NR1H4: variants seen among roughly 807,000 people sequenced by gnomAD.
NR1H4 encodes the protein bile acid receptor.
In NR1H4, 23 loss-of-function variants were observed where a neutral mutation model predicts 58.5. The observed-to-expected ratio is 0.39, with a 90% CI of 0.28 to 0.56. The LOEUF is 0.56. NR1H4 is among the 20% of genes least tolerant of loss of function. The probability of loss-of-function intolerance (pLI) is 0.58; values close to 1 mark genes in which losing one functional copy is unlikely to be tolerated. For missense variants in NR1H4, 487 were observed against 576.9 expected (o/e 0.84, Z 1.60); for synonymous variants, 214 against 198.0 (o/e 1.08, Z -0.68).
At chr12:100,485,723 G>C (rs1456052302) in intron 1 of NR1H4, among the ~76,000 whole-genome samples, 4 of 151,896 alleles carry the variant, frequency 2.6e-5, no homozygotes, top group Non-Finnish European at 2.9e-5. Context: ...TAGTAGAGAA[G>C]GGATTTCACC....
chr12:100,550,695 A>G (rs1038519370), intron 9 of NR1H4, among the ~76,000 whole-genome samples: 7 of 151,110 alleles, frequency 4.6e-5, no homozygotes, highest in Non-Finnish European at 1.0e-4. Flanking sequence ...TAAGGAAATT[A>G]GCAATAACCT....
At chr12:100,531,622 T>C (rs550423651) in intron 4 of NR1H4, among the ~76,000 whole-genome samples, 1 of 152,298 alleles carries the variant, frequency 6.6e-6, no homozygotes, top group African/African-American at 2.4e-5. Context: ...CTCTTACCTC[T>C]CACAATCCTC....
Position 100,564,313 on chromosome 12 carries a change from C to T in NR1H4, c.*824C>T, listed in dbSNP as rs1955531715. The T allele has an allele frequency of 6.6e-6, 1 of 152,190 alleles. No homozygotes were observed. The allele number at this position is 152,190 out of a possible 1,614,324, so 9.4% of individuals were successfully genotyped here. ...GGAGCACAGCTGCTGTATACTTCCC[C>T]CAAAGCAGGAATTAGTTCATTTCCT... On this transcript the variant is annotated 3_prime_UTR_variant, in exon 11 of 11. Coordinates refer to ENST00000392986, the MANE Select transcript of NR1H4 (RefSeq NM_001206979.2).
chr12:100,546,761 C>T (rs1348087301), intron 9 of NR1H4, among the ~76,000 whole-genome samples: 1 of 152,088 alleles, frequency 6.6e-6, no homozygotes, highest in Non-Finnish European at 1.5e-5. Context: ...ATCCACTAAC[C>T]CTCCAGCCAT....
chr12:100,545,641 CAAAA>C (rs35404680), intron 9 of NR1H4, among the ~76,000 whole-genome samples: 4 of 7,878 alleles, frequency 5.1e-4, no homozygotes, highest in African/African-American at 2.1e-3. Flanking sequence ...GACCTTGTCT[CAAAA>C]AAAAAAAAAA....
rs1953217194 is a variant in NR1H4, at chr12:100,474,054, A to G, written c.-195A>G. On this transcript the variant is annotated 5_prime_UTR_variant, in exon 1 of 11. Coordinates refer to ENST00000392986, the MANE Select transcript of NR1H4 (RefSeq NM_001206979.2). ...GAAAGTCCATCTCTGACCCAAAACA[A>G]TCCAAGTAAGTACCTAATTCCTTTG... The G allele has an allele frequency of 6.6e-6, 1 of 152,126 alleles. No homozygotes were observed. Among genetic ancestry groups the G allele is most frequent in the Non-Finnish European group, 1.5e-5 (1 of 68,024 alleles). The allele number at this position is 152,126 out of a possible 1,614,324, so 9.4% of individuals were successfully genotyped here.
intron 5 of NR1H4, 101 bp downstream of exon 5, chr12:100,532,711 C>G: frequency 9.5e-7 from 1 of 1,049,054 alleles, no homozygotes; most frequent in Admixed American, 2.1e-5. Flanking sequence ...AAAGAAGGAA[C>G]CTACTAAGCC....
At chr12:100,535,536 T>C (rs1444388272) in intron 6 of NR1H4, among the ~76,000 whole-genome samples, 2 of 152,244 alleles carry the variant, frequency 1.3e-5, no homozygotes, top group East Asian at 1.9e-4. Context: ...CCAAGGTGTT[T>C]AGACACACAC....
intron 4 of NR1H4, among the ~76,000 whole-genome samples, chr12:100,526,866 G>C (rs1010594696): frequency 6.6e-6 from 1 of 152,028 alleles, no homozygotes; most frequent in African/African-American, 2.4e-5. Flanking sequence ...CAATATAACC[G>C]TTTCAAAGAG....
At chr12:100,489,536 TG>T (rs1953563360) in intron 1 of NR1H4, among the ~76,000 whole-genome samples, 1 of 152,210 alleles carries the variant, frequency 6.6e-6, no homozygotes, top group Non-Finnish European at 1.5e-5. Context: ...ATTCTTCTTT[TG>T]TTTTTTTTAA....
intron 9 of NR1H4, among the ~76,000 whole-genome samples, chr12:100,554,695 G>GC (rs1229015164): frequency 2.6e-5 from 4 of 152,050 alleles, no homozygotes; most frequent in African/African-American, 9.7e-5. Context: ...TTAGAAAATA[G>GC]CCCCCCCTTG....
At chr12:100,501,555 A>G (rs1302086314) in intron 3 of NR1H4, among the ~76,000 whole-genome samples, 1 of 152,130 alleles carries the variant, frequency 6.6e-6, no homozygotes, top group Non-Finnish European at 1.5e-5. Flanking sequence ...AAACTCACTG[A>G]GTTTAAAAAT....
At chr12:100,554,479 T>A (rs1955279523) in intron 9 of NR1H4, among the ~76,000 whole-genome samples, 2 of 151,866 alleles carry the variant, frequency 1.3e-5, no homozygotes, top group African/African-American at 2.4e-5. Context: ...AAATAAAAAC[T>A]TTTAACATTT....
chr12:100,561,261 G>C (rs1047354890), intron 9 of NR1H4, among the ~76,000 whole-genome samples: 1 of 152,174 alleles, frequency 6.6e-6, no homozygotes, highest in Non-Finnish European at 1.5e-5. Context: ...AGCCGGGCGC[G>C]GTGGCGGGAG....
intron 1 of NR1H4, among the ~76,000 whole-genome samples, chr12:100,476,918 C>T (rs1953283386): frequency 6.6e-6 from 1 of 151,998 alleles, no homozygotes; most frequent in African/African-American, 2.4e-5. Context: ...GAAATAGGAA[C>T]AATTTTCCTC....
chr12:100,501,251 C>T (rs530765449), intron 3 of NR1H4, among the ~76,000 whole-genome samples: 16 of 152,052 alleles, frequency 1.1e-4, no homozygotes, highest in African/African-American at 3.9e-4. Flanking sequence ...GCTTCATATC[C>T]TTTGGGTAGC....
At chr12:100,492,686 C>G (rs1215679157) in intron 2 of NR1H4, 49 bp downstream of exon 2, 2 of 152,016 alleles carry the variant, frequency 1.3e-5, no homozygotes, top group African/African-American at 4.8e-5. Context: ...TTAAAAAGCC[C>G]CGGATCAATA....
At chr12:100,562,054 T>A (rs1955487963) in intron 10 of NR1H4, 56 bp downstream of exon 10, 3 of 840,708 alleles carry the variant, frequency 3.6e-6, no homozygotes, top group Non-Finnish European at 6.1e-6. Flanking sequence ...ATACTAGTAA[T>A]AACGTTTATT....
At chr12:100,534,838 A>AC in intron 5 of NR1H4, 52 bp from the exon 6 acceptor site, 3 of 1,611,184 alleles carry the variant, frequency 1.9e-6, no homozygotes, top group Non-Finnish European at 2.5e-6. Flanking sequence ...ATGACCACAC[A>AC]CCCAACAGTA....
Sources: gnomAD v4.1 joint callset for allele counts (sites outside exome capture counted in the v4.1 genomes callset) on GRCh38, gnomAD v4.1.1 for gene constraint, MANE v1.5 for transcripts, NCBI Gene and HGNC (gene_info 2026-07-23, HGNC 2026-07-21) for gene names.